Variants in ACAD11 observed in about 807,000 individuals in gnomAD.
The protein encoded by ACAD11 is acyl-CoA dehydrogenase family member 11, also known as acyl-Coenzyme A dehydrogenase family, member 11.
ACAD11 carries 83 observed loss-of-function variants against 102.2 expected under a neutral mutation model. That is an observed-to-expected ratio of 0.81 (90% CI 0.68 to 0.97). The LOEUF is 0.97. ACAD11 is among the 50% of genes least tolerant of loss of function. The pLI is 0.00. For missense variants in ACAD11, 901 were observed against 951.7 expected (o/e 0.95, Z 0.70); for synonymous variants, 324 against 319.8 (o/e 1.01, Z -0.14).
chr3:132,560,392 T>C (rs553362241), intron 18 of ACAD11, among the ~76,000 whole-genome samples: 4 of 152,204 alleles, frequency 2.6e-5, no homozygotes, highest in African/African-American at 9.6e-5. Context: ...TATGTAGCAG[T>C]ATCATGCTGT....
chr3:132,561,516 A>G (rs1389874106), intron 17 of ACAD11, among the ~76,000 whole-genome samples: 2 of 152,192 alleles, frequency 1.3e-5, no homozygotes, highest in African/African-American at 4.8e-5. Context: ...TGAACTGAGC[A>G]ACTGCCTTAC....
chr3:132,583,737 C>G (rs1375945983), intron 13 of ACAD11, among the ~76,000 whole-genome samples: 1 of 152,056 alleles, frequency 6.6e-6, no homozygotes, highest in Admixed American at 6.5e-5. Context: ...CCCAGAGATT[C>G]TGGTATGTTG....
chr3:132,650,323 A>G (rs1940885323), intron 1 of ACAD11: 1 of 152,204 alleles, frequency 6.6e-6, no homozygotes, highest in Admixed American at 6.5e-5. Flanking sequence ...GCACCATGCT[A>G]GGTGCTTTGC....
At chr3:132,559,981 G>A (rs932827264) in intron 18 of ACAD11, 39 bp from the exon 19 acceptor site, 4 of 1,512,214 alleles carry the variant, frequency 2.6e-6, no homozygotes, top group Non-Finnish European at 2.7e-6. Context: ...TTCTTTCTTA[G>A]ACTATACACA....
At chr3:132,644,103 A>G (rs529986710) in intron 2 of ACAD11, among the ~76,000 whole-genome samples, 3 of 152,284 alleles carry the variant, frequency 2.0e-5, no homozygotes, top group South Asian at 4.2e-4. Flanking sequence ...TACATTCTCT[A>G]TTACTGTGGT....
intron 13 of ACAD11, among the ~76,000 whole-genome samples, chr3:132,590,492 C>A (rs1459451499): frequency 6.6e-6 from 1 of 152,112 alleles, no homozygotes; most frequent in African/African-American, 2.4e-5. Context: ...AGTGATCCTC[C>A]CGCCTTAGCC....
At chr3:132,622,311 A>G (rs554138809) in intron 9 of ACAD11, among the ~76,000 whole-genome samples, 3 of 152,208 alleles carry the variant, frequency 2.0e-5, no homozygotes, top group Non-Finnish European at 4.4e-5. Context: ...GCTCTTTCAA[A>G]GGCACCAGGA....
At chr3:132,606,940 C>G (rs1049118546) in intron 11 of ACAD11, among the ~76,000 whole-genome samples, 1 of 152,170 alleles carries the variant, frequency 6.6e-6, no homozygotes, top group Non-Finnish European at 1.5e-5. Context: ...AAGGAACAGG[C>G]AGCAATCTTT....
chr3:132,568,759 C>T (rs1937286586), intron 17 of ACAD11, among the ~76,000 whole-genome samples: 1 of 121,312 alleles, frequency 8.2e-6, no homozygotes, highest in Non-Finnish European at 1.6e-5. Flanking sequence ...GGAAACATAG[C>T]TTTTTCAAAA....
At chr3:132,612,175 T>C (rs1306001255) in intron 11 of ACAD11, among the ~76,000 whole-genome samples, 1 of 152,036 alleles carries the variant, frequency 6.6e-6, no homozygotes, top group Non-Finnish European at 1.5e-5. Context: ...TAGCCATATG[T>C]AGAAAGCTGA....
chr3:132,654,759 T>C (rs546639673), intron 1 of ACAD11: 1 of 152,400 alleles, frequency 6.6e-6, no homozygotes, highest in East Asian at 1.9e-4. Context: ...CCCTTCTCTA[T>C]TAATGCCTAT....
chr3:132,637,382 G>A (rs957026027), intron 5 of ACAD11, among the ~76,000 whole-genome samples: 1 of 152,080 alleles, frequency 6.6e-6, no homozygotes, highest in African/African-American at 2.4e-5. Flanking sequence ...AGGATAAGAA[G>A]TCAAGTGAAG....
chr3:132,595,328 G>C (rs1938253720), intron 13 of ACAD11, among the ~76,000 whole-genome samples: 1 of 152,192 alleles, frequency 6.6e-6, no homozygotes, highest in Admixed American at 6.5e-5. Flanking sequence ...AGTAGGCAAA[G>C]GGGTGAGTAG....
chr3:132,641,560 T>TGAAGAAGAAGAAGAAGAAGAA (rs370839030), intron 4 of ACAD11, among the ~76,000 whole-genome samples: 23 of 99,556 alleles, frequency 2.3e-4, no homozygotes, highest in African/African-American at 8.5e-4. Context: ...ATGATGATGA[T>TGAAGAAGAAGAAGAAGAAGAA]GAAGAAGAAG....
chr3:132,628,543 T>C, intron 7 of ACAD11, 97 bp from the exon 8 acceptor site: 1 of 801,574 alleles, frequency 1.2e-6, no homozygotes, highest in Non-Finnish European at 2.0e-6. Flanking sequence ...GACATTATAC[T>C]CACAGGGTAT....
At chr3:132,599,431 C>T (rs1467211051) in intron 13 of ACAD11, among the ~76,000 whole-genome samples, 2 of 151,596 alleles carry the variant, frequency 1.3e-5, no homozygotes, top group African/African-American at 4.8e-5. Flanking sequence ...CGCATGAACC[C>T]GGGAGGCGGA....
intron 11 of ACAD11, among the ~76,000 whole-genome samples, chr3:132,605,583 A>G (rs567271060): frequency 1.3e-5 from 2 of 152,334 alleles, no homozygotes; most frequent in South Asian, 2.1e-4. Context: ...AACAATTAAC[A>G]TTGCATGTCC....
intron 4 of ACAD11, among the ~76,000 whole-genome samples, chr3:132,640,037 T>G (rs747417657): frequency 1.5e-4 from 23 of 151,056 alleles, no homozygotes; most frequent in Non-Finnish European, 3.1e-4. Context: ...TAGGCATAGA[T>G]AATCTCTGGA....
At chr3:132,634,829 C>G (rs561551105) in intron 5 of ACAD11, among the ~76,000 whole-genome samples, 74 of 147,706 alleles carry the variant, frequency 5.0e-4, no homozygotes, top group Admixed American at 1.5e-3. Context: ...ACCACATGTT[C>G]TCACTCATAG....
Sources: gnomAD v4.1 joint callset for allele counts (sites outside exome capture counted in the v4.1 genomes callset) on GRCh38, gnomAD v4.1.1 for gene constraint, MANE v1.5 for transcripts, NCBI Gene and HGNC (gene_info 2026-07-23, HGNC 2026-07-21) for gene names.